Variants in FAM81A observed in about 807,000 individuals in gnomAD.
The protein encoded by FAM81A is family with sequence similarity 81 member A.
Under a neutral mutation model 46.7 loss-of-function variants are expected in FAM81A, and 19 were observed. That is an observed-to-expected ratio of 0.41 (90% CI 0.28 to 0.60). The LOEUF (loss-of-function observed/expected upper bound fraction) is 0.60. Among genes scored for constraint, FAM81A ranks in the 20% least tolerant of loss-of-function variants. The pLI is 0.34. For synonymous variants in FAM81A, 183 were observed against 152.9 expected (o/e 1.20, Z -1.45); for missense variants, 377 against 453.5 (o/e 0.83, Z 1.53).
intron 6 of FAM81A, among the ~76,000 whole-genome samples, chr15:59,512,583 C>G (rs2082223543): frequency 6.7e-6 from 1 of 148,970 alleles, no homozygotes; most frequent in African/African-American, 2.5e-5. Context: ...ATGGTTACTT[C>G]TTGGGTTGTG....
At chr15:59,491,748 C>A (rs2081983867) in intron 3 of FAM81A, among the ~76,000 whole-genome samples, 3 of 152,078 alleles carry the variant, frequency 2.0e-5, no homozygotes, top group Non-Finnish European at 4.4e-5. Flanking sequence ...AATTCAAGAC[C>A]AGCCTGGCCA....
chr15:59,464,400 C>T (rs2081588362), intron 3 of FAM81A, among the ~76,000 whole-genome samples: 2 of 152,158 alleles, frequency 1.3e-5, no homozygotes, highest in Admixed American at 1.3e-4. Flanking sequence ...CCATACTTTT[C>T]TCCATAGTGG....
intron 4 of FAM81A, among the ~76,000 whole-genome samples, chr15:59,494,331 T>C (rs924213946): frequency 1.3e-5 from 2 of 152,206 alleles, no homozygotes; most frequent in East Asian, 3.9e-4. Context: ...TCGTAGCCGC[T>C]TGAGTTGCGG....
intron 4 of FAM81A, among the ~76,000 whole-genome samples, chr15:59,498,899 C>T (rs1262338581): frequency 4.6e-5 from 7 of 152,180 alleles, no homozygotes; most frequent in African/African-American, 1.4e-4. Context: ...AAGTGATCCA[C>T]CTGCCTCGGC....
intron 2 of FAM81A, among the ~76,000 whole-genome samples, chr15:59,459,496 T>G (rs2081524274): frequency 6.6e-6 from 1 of 152,164 alleles, no homozygotes; most frequent in Non-Finnish European, 1.5e-5. Flanking sequence ...TCTAAATCCC[T>G]GACACTCCCT....
chr15:59,414,359 C>T (rs769054089), intron 2 of FAM81A, among the ~76,000 whole-genome samples: 1 of 152,148 alleles, frequency 6.6e-6, no homozygotes, highest in Non-Finnish European at 1.5e-5. Context: ...GAACTGACAA[C>T]AGGCAGATTA....
Position 59,486,071 on chromosome 15 carries a change from C to G in FAM81A, c.295-6200C>G, listed in dbSNP as rs565057943. Among the ~76,000 whole-genome samples the G allele has an allele frequency of 1.2e-4, 18 of 152,132 alleles. 1 individual carries two copies. The highest frequency in any genetic ancestry group is 3.9e-4 in the African/African-American group (16 of 41,504). The stretch of plus-strand genomic sequence containing the variant: ...GTGGGTGCCTGTAATCCCAGCTACT[C>G]AGGAGGCTGAGGCAGGAGAATCGCT... On this transcript the variant is annotated intron_variant, in intron 3 of 8. Transcript: ENST00000288228.
At chr15:59,415,781 G>T (rs533409452) in intron 2 of FAM81A, among the ~76,000 whole-genome samples, 1 of 152,196 alleles carries the variant, frequency 6.6e-6, no homozygotes, top group African/African-American at 2.4e-5. Flanking sequence ...TACAGAGGCT[G>T]AGAGGAGTTA....
chr15:59,477,908 A>G (rs1310591632), intron 3 of FAM81A, among the ~76,000 whole-genome samples: 1 of 152,254 alleles, frequency 6.6e-6, no homozygotes, highest in Admixed American at 6.5e-5. Flanking sequence ...AAGCTTATCA[A>G]TTATTTATTC....
intron 2 of FAM81A, among the ~76,000 whole-genome samples, chr15:59,428,790 C>T (rs1482233794): frequency 6.6e-6 from 1 of 151,996 alleles, no homozygotes; most frequent in African/African-American, 2.4e-5. Context: ...GCCACCATGC[C>T]AAGCTAATTT....
chr15:59,488,345 T>C (rs2081943726), intron 3 of FAM81A, among the ~76,000 whole-genome samples: 1 of 152,150 alleles, frequency 6.6e-6, no homozygotes, highest in Admixed American at 6.5e-5. Context: ...AAAGCCTTTA[T>C]CTAAGATCTG....
intron 3 of FAM81A, among the ~76,000 whole-genome samples, chr15:59,470,427 TG>T (rs2081671387): frequency 1.3e-5 from 2 of 152,200 alleles, no homozygotes; most frequent in Middle Eastern, 3.2e-3. Context: ...TCTCTAACCT[TG>T]TCTTCTTCCT....
At chr15:59,472,720 A>C (rs1189086694) in intron 3 of FAM81A, among the ~76,000 whole-genome samples, 1 of 151,568 alleles carries the variant, frequency 6.6e-6, no homozygotes, top group Non-Finnish European at 1.5e-5. Context: ...CCAGCTAATT[A>C]TTTTATTTTT....
intron 1 of FAM81A, chr15:59,444,218 A>G (rs1259744603): frequency 6.6e-6 from 1 of 152,246 alleles, no homozygotes; most frequent in African/African-American, 2.4e-5. Context: ...TGATGAAATC[A>G]TTAAGCAAGT....
At chr15:59,425,654 C>A (rs1176324969) in intron 2 of FAM81A, among the ~76,000 whole-genome samples, 1 of 152,174 alleles carries the variant, frequency 6.6e-6, no homozygotes, top group African/African-American at 2.4e-5. Flanking sequence ...GAGACAGGAT[C>A]TCACTCTGTT....
chr15:59,449,638 C>T (rs987470673), intron 1 of FAM81A, among the ~76,000 whole-genome samples: 38 of 151,874 alleles, frequency 2.5e-4, no homozygotes, highest in Admixed American at 1.3e-3. Context: ...AAAAATTAGC[C>T]GGGCGTGGTG....
intron 1 of FAM81A, among the ~76,000 whole-genome samples, chr15:59,400,144 C>A (rs965732218): frequency 1.8e-4 from 28 of 152,132 alleles, no homozygotes; most frequent in African/African-American, 5.6e-4. Flanking sequence ...AAGGCACCTC[C>A]AAGTCAGGTT....
chr15:59,418,480 C>G (rs2081156609), intron 2 of FAM81A, among the ~76,000 whole-genome samples: 1 of 152,148 alleles, frequency 6.6e-6, no homozygotes. Flanking sequence ...AAAAGTAGAG[C>G]AAGAAAGTTT....
At chr15:59,497,170 A>G (rs1400506029) in intron 4 of FAM81A, among the ~76,000 whole-genome samples, 1 of 151,518 alleles carries the variant, frequency 6.6e-6, no homozygotes, top group East Asian at 1.9e-4. Context: ...GGATCAGGCT[A>G]GGCATGGCGG....
Sources: gnomAD v4.1 joint callset for allele counts (sites outside exome capture counted in the v4.1 genomes callset) on GRCh38, gnomAD v4.1.1 for gene constraint, MANE v1.5 for transcripts, NCBI Gene and HGNC (gene_info 2026-07-23, HGNC 2026-07-21) for gene names.